The following RSRP1 variants were observed in gnomAD, a reference collection of about 807,000 sequenced individuals.
RSRP1 encodes the protein arginine/serine-rich protein 1.
Under a neutral mutation model 33.0 loss-of-function variants are expected in RSRP1, and 37 were observed. The observed-to-expected ratio is 1.12, with a 90% CI of 0.86 to 1.48. The LOEUF (loss-of-function observed/expected upper bound fraction) is 1.48, where lower values mean the gene tolerates loss of function less well. Ranked by LOEUF, RSRP1 falls within the 40% of genes most tolerant of loss-of-function variation. The pLI is 0.00. For missense variants in RSRP1, 402 were observed against 385.3 expected, an observed-to-expected ratio of 1.04 and a Z score of -0.36; for synonymous variants, 167 against 158.7, an observed-to-expected ratio of 1.05 and a Z score of -0.40.
intron 1 of RSRP1, among the ~76,000 whole-genome samples, chr1:25,292,107 A>G (rs1487014635): frequency 7.5e-6 from 1 of 132,470 alleles, no homozygotes; most frequent in Non-Finnish European, 1.8e-5. Context: ...ATATGAGGGT[A>G]GCAGTACTAC....
intron 1 of RSRP1, among the ~76,000 whole-genome samples, chr1:25,285,805 C>T (rs372547112): frequency 7.4e-6 from 1 of 134,868 alleles, no homozygotes; most frequent in South Asian, 2.2e-4. Flanking sequence ...CCTCTGAATC[C>T]CTGTGCTGCC....
chr1:25,311,504 G>A lies in RSRP1; in HGVS notation c.-67+26474C>T, dbSNP rs188412484. Reference sequence around the variant, plus strand: ...CGCGCCACTGCACTCCAGCCTGGGCGACAGAGCAAAACTCCGTCTCAAAAA... The same window carrying A: ...CGCGCCACTGCACTCCAGCCTGGGCAACAGAGCAAAACTCCGTCTCAAAAA... On this transcript the variant is annotated intron_variant, in intron 1 of 1. Transcript: ENST00000561867. 1.6e-3 allele frequency among the ~76,000 whole-genome samples: 209 copies of A among 128,908 alleles called. 30 individuals are homozygous for A. The highest frequency in any genetic ancestry group is 5.0e-3 in the African/African-American group (190 of 37,980). The allele number at this position is 128,908 out of a possible 152,430, so 84.6% of individuals were successfully genotyped here.
chr1:25,259,577 G>A (rs1360869337), intron 1 of RSRP1, among the ~76,000 whole-genome samples: 7 of 151,000 alleles, frequency 4.6e-5, no homozygotes, highest in Non-Finnish European at 8.9e-5. Context: ...ATCTCAGCTC[G>A]CCGCAACCTC....
intron 1 of RSRP1, among the ~76,000 whole-genome samples, chr1:25,314,811 T>C (rs1338005491): frequency 1.5e-5 from 2 of 132,368 alleles, no homozygotes; most frequent in East Asian, 3.9e-4. Context: ...GCCCACCTTT[T>C]ACTTTCTTAA....
Position 25,320,436 on chromosome 1 carries a change from G to A in RSRP1, c.-67+17542C>T, listed in dbSNP as rs1644638452. ...GTGATGAGTAAGCCTCAGCTATCTG[G>A]AAAATTCATGCAGGCGCCAGAGATC... On this transcript the variant is annotated intron_variant, in intron 1 of 1. Transcript: ENST00000561867. Among the ~76,000 whole-genome samples the A allele has an allele frequency of 1.5e-5, 2 of 131,970 alleles. 1 individual carries two copies. 86.6% of individuals were successfully genotyped at this position (131,970 alleles called of 152,430 possible).
rs1280542188 is a variant in RSRP1 at position 25,289,406 on chromosome 1, G to A, written c.-66-42377C>T. 4.6e-5 allele frequency among the ~76,000 whole-genome samples: 6 copies of A among 129,686 alleles called. 3 individuals are homozygous for A. Among genetic ancestry groups the A allele is most frequent in the African/African-American group, 1.0e-4 (4 of 38,324 alleles). The allele number at this position is 129,686 out of a possible 152,430, so 85.1% of individuals were successfully genotyped here. A position where few individuals can be genotyped will look rare whatever the true frequency, so the allele number is the denominator to read the frequency against. Reference sequence around the variant, plus strand: ...GACAGAGTTTCACCATGTTGGCCAGGCCACTCTTGAACCCCTGGCCTCAAG... The same window carrying A: ...GACAGAGTTTCACCATGTTGGCCAGACCACTCTTGAACCCCTGGCCTCAAG... On this transcript the variant is annotated intron_variant, in intron 1 of 1. Transcript: ENST00000561867.
intron 3 of RSRP1, chr1:25,243,956 C>G (rs1639123420): frequency 8.7e-7 from 1 of 1,153,482 alleles, no homozygotes; most frequent in African/African-American, 1.6e-5. Context: ...GAAACTAAGG[C>G]ATTTGCCAGT....
intron 1 of RSRP1, among the ~76,000 whole-genome samples, chr1:25,319,973 ACT>A (rs1376500408): frequency 3.1e-5 from 4 of 131,118 alleles, no homozygotes; most frequent in African/African-American, 7.8e-5. Context: ...ATCTCGGCTC[ACT>A]ACAACCTCAG....
chr1:25,247,113 G>C (rs1367189810), intron 1 of RSRP1, 84 bp from the exon 2 acceptor site: 3 of 867,528 alleles, frequency 3.5e-6, no homozygotes, highest in Non-Finnish European at 4.9e-6. Flanking sequence ...GGAACCTCCG[G>C]GAGGCGGAGC....
chr1:25,271,472 A>G (rs189791095), intron 1 of RSRP1, among the ~76,000 whole-genome samples: 3 of 132,128 alleles, frequency 2.3e-5, no homozygotes, highest in Admixed American at 2.2e-4. Flanking sequence ...CCACACATTC[A>G]GTTTACACTC....
chr1:25,293,672 T>C (rs1642704160), intron 1 of RSRP1, among the ~76,000 whole-genome samples: 1 of 131,370 alleles, frequency 7.6e-6, no homozygotes, highest in South Asian at 2.3e-4. Context: ...ATTTCCCTAG[T>C]ATATGTAACC....
chr1:25,312,977 T>G (rs111628266), intron 1 of RSRP1, among the ~76,000 whole-genome samples: 1 of 101,980 alleles, frequency 9.8e-6, no homozygotes, highest in Non-Finnish European at 2.3e-5. Context: ...TTGGAATGAA[T>G]TTTGCATGTA....
chr1:25,263,313 AT>A (rs1462438364), intron 1 of RSRP1, among the ~76,000 whole-genome samples: 2 of 152,020 alleles, frequency 1.3e-5, no homozygotes, highest in Non-Finnish European at 2.9e-5. Context: ...GTGAAAAGCC[AT>A]TGTATTAGTC....
intron 1 of RSRP1, among the ~76,000 whole-genome samples, chr1:25,334,294 G>A (rs549155501): frequency 7.6e-6 from 1 of 131,986 alleles, no homozygotes; most frequent in Admixed American, 7.3e-5. Context: ...AAATCTTAAA[G>A]CTCCAAAATG....
chr1:25,255,581 G>T (rs891077338), intron 1 of RSRP1, among the ~76,000 whole-genome samples: 5 of 152,008 alleles, frequency 3.3e-5, no homozygotes, highest in African/African-American at 9.7e-5. Flanking sequence ...TGGGGGTGGG[G>T]GGTTGTTCTG....
chr1:25,296,868 T>G (rs1643002709), intron 1 of RSRP1, among the ~76,000 whole-genome samples: 1 of 129,000 alleles, frequency 7.8e-6, no homozygotes, highest in South Asian at 2.4e-4. Context: ...TCAGCCTCTT[T>G]TGTTTATAAA....
rs545691736 is a variant in RSRP1, at chr1:25,279,232, G to T, written c.-66-32203C>A. 2.0e-4 allele frequency among the ~76,000 whole-genome samples: 26 copies of T among 127,152 alleles called. 4 individuals are homozygous for T. The highest frequency in any genetic ancestry group is 7.1e-4 in the African/African-American group (26 of 36,680). 83.4% of individuals were successfully genotyped at this position (127,152 alleles called of 152,430 possible). On this transcript the variant is annotated intron_variant, in intron 1 of 1. Transcript: ENST00000561867. ...ACCGCTAATCAGCGGCCGGCACGGGGTAACAGTTACTAACACTCACTACGT... is the reference window on the plus strand; with the variant it reads ...ACCGCTAATCAGCGGCCGGCACGGGTTAACAGTTACTAACACTCACTACGT...
intron 1 of RSRP1, among the ~76,000 whole-genome samples, chr1:25,283,329 G>C (rs577862904): frequency 7.6e-6 from 1 of 131,520 alleles, no homozygotes; most frequent in Non-Finnish European, 1.8e-5. Flanking sequence ...TCAGGAGTTC[G>C]AGACCAGCTT....
chr1:25,316,607 A>C (rs1341628707), intron 1 of RSRP1, among the ~76,000 whole-genome samples: 1 of 100,668 alleles, frequency 9.9e-6, no homozygotes, highest in Non-Finnish European at 2.4e-5. Flanking sequence ...TCCATCTCAC[A>C]AACAAAAACA....
Sources: gnomAD v4.1 joint callset for allele counts (sites outside exome capture counted in the v4.1 genomes callset) on GRCh38, gnomAD v4.1.1 for gene constraint, MANE v1.5 for transcripts, NCBI Gene and HGNC (gene_info 2026-07-23, HGNC 2026-07-21) for gene names.